GULP1: variants seen among roughly 807,000 people sequenced by gnomAD.
The protein encoded by GULP1 is GULP PTB domain containing engulfment adaptor 1.
Under a neutral mutation model 40.9 loss-of-function variants are expected in GULP1, and 19 were observed. That is an observed-to-expected ratio of 0.46 (90% CI 0.32 to 0.68). GULP1 has a LOEUF of 0.68. Among genes scored for constraint, GULP1 ranks in the 30% least tolerant of loss-of-function variants. GULP1 has a pLI of 0.03. For synonymous variants in GULP1, 119 were observed against 117.6 expected, an observed-to-expected ratio of 1.01 and a Z score of -0.08; for missense variants, 312 against 362.2, an observed-to-expected ratio of 0.86 and a Z score of 1.12.
At chr2:188,586,158 C>T (rs1490606037) in intron 10 of GULP1, among the ~76,000 whole-genome samples, 1 of 152,094 alleles carries the variant, frequency 6.6e-6, no homozygotes, top group Non-Finnish European at 1.5e-5. Context: ...AACAAGAGTG[C>T]TCCAGTAACA....
At chr2:188,571,226 A>G (rs1325237888) in intron 9 of GULP1, among the ~76,000 whole-genome samples, 1 of 152,200 alleles carries the variant, frequency 6.6e-6, no homozygotes, top group African/African-American at 2.4e-5. Flanking sequence ...AAAATTTTTT[A>G]TGGAAGCTTA....
At chr2:188,581,720 T>A (rs897457973) in intron 9 of GULP1, among the ~76,000 whole-genome samples, 4 of 152,196 alleles carry the variant, frequency 2.6e-5, no homozygotes, top group African/African-American at 9.6e-5. Flanking sequence ...TCCTCATGAC[T>A]ATAGAAAGGG....
chr2:188,508,840 T>C (rs1332978545), intron 4 of GULP1, among the ~76,000 whole-genome samples: 2 of 151,946 alleles, frequency 1.3e-5, no homozygotes, highest in Non-Finnish European at 2.9e-5. Context: ...TGGAAGCAAA[T>C]ATTTATTGAG....
chr2:188,514,082 T>TGTGTGTGTGCGC (rs766246317), intron 4 of GULP1, among the ~76,000 whole-genome samples: 1 of 149,254 alleles, frequency 6.7e-6, no homozygotes, highest in African/African-American at 2.5e-5. Flanking sequence ...TGTGTGTGTG[T>TGTGTGTGTGCGC]GCGCCCTGCC....
chr2:188,551,704 A>T (rs1406611202), intron 7 of GULP1, among the ~76,000 whole-genome samples: 1 of 151,802 alleles, frequency 6.6e-6, no homozygotes, highest in African/African-American at 2.4e-5. Context: ...TGGAGCTGCT[A>T]GATCAAATGA....
chr2:188,388,366 CA>C lies in GULP1; in HGVS notation c.-45+4494del, dbSNP rs61586502. Among the ~76,000 whole-genome samples the C allele has an allele frequency of 7.7e-3, 978 of 126,460 alleles. 2 individuals are homozygous for C. The highest frequency in any genetic ancestry group is 0.017 in the Middle Eastern group (4 of 242). The allele number at this position is 126,460 out of a possible 152,430, so 83.0% of individuals were successfully genotyped here. On this transcript the variant is annotated intron_variant, in intron 2 of 11. Coordinates refer to ENST00000409830, the MANE Select transcript of GULP1 (RefSeq NM_016315.4). ...AAACATAGTGAGAGCCCATCTCTAC[CA>C]AAAAAAAAAAAAAAAAGTAGAAAAA...
chr2:188,567,735 T>G (rs192933939), intron 7 of GULP1, among the ~76,000 whole-genome samples: 172 of 152,330 alleles, frequency 1.1e-3, no homozygotes, highest in African/African-American at 3.7e-3. Flanking sequence ...CTGCACATTC[T>G]GCACATGTAT....
At chr2:188,307,892 G>A (rs975906357) in intron 1 of GULP1, among the ~76,000 whole-genome samples, 5 of 152,212 alleles carry the variant, frequency 3.3e-5, no homozygotes, top group Non-Finnish European at 7.3e-5. Context: ...AGGAAATGGT[G>A]TGGATTGATA....
chr2:188,317,154 A>T (rs1048354481), intron 1 of GULP1, among the ~76,000 whole-genome samples: 2 of 152,160 alleles, frequency 1.3e-5, no homozygotes, highest in East Asian at 1.9e-4. Flanking sequence ...GCCCTGCACA[A>T]TCTGGCCTCA....
At chr2:188,580,459 A>C (rs1701045338) in intron 9 of GULP1, among the ~76,000 whole-genome samples, 1 of 150,894 alleles carries the variant, frequency 6.6e-6, no homozygotes, top group Non-Finnish European at 1.5e-5. Flanking sequence ...AGGCTGAGGC[A>C]GGAGAATGGC....
intron 1 of GULP1, chr2:188,297,600 CT>C (rs778739490): frequency 2.3e-6 from 1 of 426,216 alleles, no homozygotes. Flanking sequence ...GATGGCTATC[CT>C]TATTTCTATA....
At chr2:188,487,943 A>G (rs2062005204) in intron 4 of GULP1, among the ~76,000 whole-genome samples, 1 of 151,952 alleles carries the variant, frequency 6.6e-6, no homozygotes, top group South Asian at 2.1e-4. Context: ...ATGAGCCTTT[A>G]TTTGGGTTCA....
intron 11 of GULP1, chr2:188,589,871 A>T: frequency 2.2e-6 from 1 of 465,084 alleles, no homozygotes; most frequent in East Asian, 3.4e-5. Flanking sequence ...GGTATATCTG[A>T]TAATTAGTTA....
chr2:188,504,243 C>G (rs1400202250), intron 4 of GULP1, among the ~76,000 whole-genome samples: 1 of 151,802 alleles, frequency 6.6e-6, no homozygotes, highest in Non-Finnish European at 1.5e-5. Context: ...AAAACTGACA[C>G]GATGTCATGA....
intron 1 of GULP1, among the ~76,000 whole-genome samples, chr2:188,361,380 T>C (rs1330947149): frequency 1.3e-5 from 2 of 151,664 alleles, no homozygotes; most frequent in African/African-American, 4.8e-5. Flanking sequence ...TTATAGAAGA[T>C]TTTTGTGAAT....
intron 1 of GULP1, among the ~76,000 whole-genome samples, chr2:188,311,998 T>C (rs1559098047): frequency 6.6e-6 from 1 of 151,624 alleles, no homozygotes; most frequent in Non-Finnish European, 1.5e-5. Context: ...ATAAAGAATT[T>C]AGAGAAATAC....
chr2:188,444,844 A>T (rs1417080204), intron 2 of GULP1, among the ~76,000 whole-genome samples: 1 of 152,178 alleles, frequency 6.6e-6, no homozygotes, highest in African/African-American at 2.4e-5. Flanking sequence ...AAAATATCCT[A>T]TACTTTCACC....
Position 188,378,037 on chromosome 2 carries a change from A to G in GULP1, c.-171-5726A>G, listed in dbSNP as rs2048513018. 9.2e-5 allele frequency among the ~76,000 whole-genome samples: 14 copies of G among 152,266 alleles called. No individual in the cohort carries two copies. In the South Asian group the frequency reaches 2.9e-3, roughly 32 times the overall value. On this transcript the variant is annotated intron_variant, in intron 1 of 11. Coordinates refer to ENST00000409830, the MANE Select transcript of GULP1 (RefSeq NM_016315.4). ...CAGATGTTTAAGCAGTGATTTATAT[A>G]ACAGATAAAATATATACATAGAATA...
chr2:188,330,690 G>A (rs1386476721), intron 1 of GULP1, among the ~76,000 whole-genome samples: 3 of 152,198 alleles, frequency 2.0e-5, no homozygotes, highest in Non-Finnish European at 4.4e-5. Context: ...CTAGGAGTCA[G>A]AAGTGTGGAT....
Sources: allele counts gnomAD v4.1 joint callset (sites outside exome capture counted in the v4.1 genomes callset), GRCh38; gene constraint gnomAD v4.1.1; transcripts MANE v1.5; gene names NCBI Gene and HGNC (gene_info 2026-07-23, HGNC 2026-07-21).